The following NIPA2 variants were observed in gnomAD, a reference collection of about 807,000 sequenced individuals.
The protein encoded by NIPA2 is NIPA magnesium transporter 2.
Under a neutral mutation model 29.7 loss-of-function variants are expected in NIPA2, and 11 were observed. The observed-to-expected ratio is 0.37, with a 90% CI of 0.23 to 0.61. The LOEUF (loss-of-function observed/expected upper bound fraction) is 0.61, where lower values mean the gene tolerates loss of function less well. Ranked by LOEUF, NIPA2 falls within the 20% of genes least tolerant of loss-of-function variation. The pLI is 0.66. For synonymous variants in NIPA2, 183 were observed against 161.9 expected (o/e 1.13, Z -0.99); for missense variants, 426 against 437.9 (o/e 0.97, Z 0.24).
chr15:22,860,442 T>C (rs1380747680), intron 6 of NIPA2, among the ~76,000 whole-genome samples, 187 bp from the exon 7 acceptor site: 1 of 152,266 alleles, frequency 6.6e-6, no homozygotes, highest in Non-Finnish European at 1.5e-5. Context: ...ATGAAGCAGA[T>C]GATTCCCTAG....
At chr15:22,862,898 C>CT (rs59317671) in intron 7 of NIPA2, among the ~76,000 whole-genome samples, 19,781 of 110,164 alleles carry the variant, frequency 0.18, 2,727 homozygotes, top group East Asian at 0.37. Flanking sequence ...TGCCTTTATT[C>CT]TTTTTTTTTT....
At chr15:22,859,207 A>G (rs974372548) in intron 6 of NIPA2, among the ~76,000 whole-genome samples, 6 of 152,160 alleles carry the variant, frequency 3.9e-5, no homozygotes, top group Admixed American at 3.3e-4. Flanking sequence ...AGTAAAATTC[A>G]AAGTTACACT....
Position 22,866,349 on chromosome 15 carries a change from T to C in NIPA2, c.585T>C (p.Cys195=). The C allele has an allele frequency of 6.2e-7, 1 of 1,614,114 alleles. No individual in the cohort carries two copies. The change falls in exon 8 of 8, where the codon TGT becomes TGC. Residue 195 remains cysteine, a synonymous_variant. Transcript: ENST00000337451. ...TAATCGGCGCGTTTTCAGTCTCCTG[T>C]GTGAAGGGCCTGGGCATTGCTATCA... ...CSVIGAFSVS[C]VKGLGIAIKE... is the part of the protein sequence containing the mutation.
intron 2 of NIPA2, among the ~76,000 whole-genome samples, chr15:22,844,411 G>T (rs879827871): frequency 6.6e-6 from 1 of 151,986 alleles, no homozygotes; most frequent in African/African-American, 2.4e-5. Flanking sequence ...AAAATTAGCC[G>T]GGTGTGGCAG....
At chr15:22,849,633 C>A (rs2141177274) in intron 3 of NIPA2, among the ~76,000 whole-genome samples, 1 of 151,526 alleles carries the variant, frequency 6.6e-6, no homozygotes, top group East Asian at 1.9e-4. Flanking sequence ...GATCTCGGCT[C>A]ACTGCAAGCT....
rs888007522 is a variant in NIPA2, at chr15:22,867,355, A to G, written c.*508A>G. On this transcript the variant is annotated 3_prime_UTR_variant, in exon 8 of 8. Transcript: ENST00000337451. The stretch of plus-strand genomic sequence containing the variant: ...TTGAAATATTTATTAAGGGAAAACT[A>G]AGTTACTGAATGAAGGAACCTCTTT... The G allele has an allele frequency of 5.3e-5, 21 of 394,522 alleles. No homozygotes were observed. The highest frequency in any genetic ancestry group is 8.9e-5 in the Non-Finnish European group (20 of 224,072). 24.4% of individuals were successfully genotyped at this position (394,522 alleles called of 1,614,324 possible).
chr15:22,858,350 C>T (rs1323568413), intron 5 of NIPA2, among the ~76,000 whole-genome samples, 190 bp from the exon 6 acceptor site: 7 of 152,248 alleles, frequency 4.6e-5, no homozygotes, highest in Non-Finnish European at 1.0e-4. Flanking sequence ...GTTGAGATCA[C>T]ACCACTGCAC....
chr15:22,845,450 T>G (rs919206610), intron 3 of NIPA2, among the ~76,000 whole-genome samples, 183 bp downstream of exon 3: 1 of 152,196 alleles, frequency 6.6e-6, no homozygotes, highest in African/African-American at 2.4e-5. Context: ...CTAGAAAGAT[T>G]TGTAAATCAA....
At chr15:22,857,748 A>G (rs1206324517) in intron 5 of NIPA2, among the ~76,000 whole-genome samples, 1 of 147,556 alleles carries the variant, frequency 6.8e-6, no homozygotes, top group African/African-American at 2.5e-5. Context: ...GAGGCAGGAG[A>G]ATTGCTTGAA....
intron 5 of NIPA2, among the ~76,000 whole-genome samples, chr15:22,858,318 C>T (rs545826347): frequency 4.6e-5 from 7 of 152,216 alleles, no homozygotes; most frequent in South Asian, 4.1e-4. Context: ...GGCGTGAACC[C>T]GGGAGGCGGA....
chr15:22,850,370 C>T (rs931897363), intron 3 of NIPA2, among the ~76,000 whole-genome samples: 11 of 152,138 alleles, frequency 7.2e-5, no homozygotes, highest in Non-Finnish European at 1.6e-4. Flanking sequence ...TTACACCTCC[C>T]TCCCATTGGC....
intron 3 of NIPA2, among the ~76,000 whole-genome samples, chr15:22,847,947 G>A (rs1306711136): frequency 6.6e-6 from 1 of 151,740 alleles, no homozygotes; most frequent in Non-Finnish European, 1.5e-5. Flanking sequence ...ACAGGCATGT[G>A]CCACCACGCC....
rs1402045034 is a variant in NIPA2 at position 22,853,207 on chromosome 15, C to G, written c.140-5C>G. ...CAAAGATGTGAAATATTTCTTCATT[C>G]ACAGGTCAAGGTGGCCATGCATATC... On this transcript the variant is annotated splice_region_variant and splice_polypyrimidine_tract_variant and intron_variant, in intron 4 of 7. Transcript: ENST00000337451. The G allele has an allele frequency of 1.3e-6, 2 of 1,598,102 alleles. No homozygotes were observed. Among genetic ancestry groups the G allele is most frequent in the African/African-American group, 1.3e-5 (1 of 74,490 alleles).
At chr15:22,852,327 C>G (rs1386508062) in intron 4 of NIPA2, among the ~76,000 whole-genome samples, 2 of 151,950 alleles carry the variant, frequency 1.3e-5, no homozygotes, top group Non-Finnish European at 2.9e-5. Flanking sequence ...ATTAGCCGGG[C>G]ATGGTGGCCT....
intron 3 of NIPA2, among the ~76,000 whole-genome samples, chr15:22,848,773 C>T (rs139785245): frequency 0.079 from 10,437 of 131,798 alleles, 713 homozygotes; most frequent in African/African-American, 0.2. Context: ...TGCAGTGAGC[C>T]GAGATCATGC....
rs775281659 is a variant in NIPA2 at position 22,867,984 on chromosome 15, T to C, written c.*1137T>C. ...TTGACTGGCCTTTAAAAAAAAGTATTGGCAGAATTAATTTCCACCTAGGTG... is the reference window on the plus strand; with the variant it reads ...TTGACTGGCCTTTAAAAAAAAGTATCGGCAGAATTAATTTCCACCTAGGTG... On this transcript the variant is annotated 3_prime_UTR_variant, in exon 8 of 8. Transcript: ENST00000337451. The C allele has an allele frequency of 5.9e-5, 9 of 152,236 alleles. No individual in the cohort carries two copies. Among genetic ancestry groups the C allele is most frequent in the Non-Finnish European group, 1.3e-4 (9 of 68,040 alleles). The allele number at this position is 152,236 out of a possible 1,614,324, so 9.4% of individuals were successfully genotyped here. A position where few individuals can be genotyped will look rare whatever the true frequency, so the allele number is the denominator to read the frequency against.
Position 22,852,414 on chromosome 15 carries a change from A to C in NIPA2, c.139+544A>C, listed in dbSNP as rs201384828. On this transcript the variant is annotated intron_variant, in intron 4 of 7. Coordinates refer to ENST00000337451, the MANE Select transcript of NIPA2 (RefSeq NM_030922.7). ...CCGGGAGGCAGAAACCTCTGCAGTGAGCCAAAATGGCACCACTGCACTCCA... is the reference window on the plus strand; with the variant it reads ...CCGGGAGGCAGAAACCTCTGCAGTGCGCCAAAATGGCACCACTGCACTCCA... Among the ~76,000 whole-genome samples, 17 of 150,028 alleles carry C rather than the reference A, an allele frequency of 1.1e-4. No individual in the cohort carries two copies. In the East Asian group the frequency reaches 3.0e-3, roughly 26 times the overall value.
chr15:22,867,300 C>T lies in NIPA2; in HGVS notation c.*453C>T, dbSNP rs2059164706. 2.5e-6 allele frequency: 1 copy of T among 398,316 alleles called. No homozygotes were observed. The highest frequency in any genetic ancestry group is 4.4e-6 in the Non-Finnish European group (1 of 226,038). 24.7% of individuals were successfully genotyped at this position (398,316 alleles called of 1,614,324 possible). Reference sequence around the variant, plus strand: ...TTTACCTTACCTACAAAAGTGGCTCCTGTTTGTTTGATGATGATTGGTTTT... The same window carrying T: ...TTTACCTTACCTACAAAAGTGGCTCTTGTTTGTTTGATGATGATTGGTTTT... On this transcript the variant is annotated 3_prime_UTR_variant, in exon 8 of 8. Coordinates refer to ENST00000337451, the MANE Select transcript of NIPA2 (RefSeq NM_030922.7).
intron 7 of NIPA2, among the ~76,000 whole-genome samples, chr15:22,861,708 GGGTC>G (rs1224264534): frequency 4.6e-5 from 7 of 151,992 alleles, no homozygotes; most frequent in Non-Finnish European, 1.0e-4. Flanking sequence ...GCCTAGAGAT[GGGTC>G]CATTTTTGTC....
Sources: gnomAD v4.1 joint callset for allele counts (sites outside exome capture counted in the v4.1 genomes callset) on GRCh38, gnomAD v4.1.1 for gene constraint, MANE v1.5 for transcripts, NCBI Gene and HGNC (gene_info 2026-07-23, HGNC 2026-07-21) for gene names.